Variants in XNDC1N observed in about 807,000 individuals in gnomAD.
XNDC1N encodes the protein XRCC1 N-terminal domain containing 1, N-terminal like, also known as protein XNDC1N.
At chr11:71,890,106 T>C in the XNDC1N span, among the ~76,000 whole-genome samples, 30,121 of 151,922 alleles carry the variant, frequency 0.2, 5,415 homozygotes, top group African/African-American at 0.48. Flanking sequence ...GTACTATTGT[T>C]TTCCCCTCTG....
chr11:71,915,781 T>A, the XNDC1N span, among the ~76,000 whole-genome samples: 34 of 152,214 alleles, frequency 2.2e-4, no homozygotes, highest in Non-Finnish European at 3.4e-4. Flanking sequence ...AAATAAAGTA[T>A]GAATTTAAGT....
the XNDC1N span, chr11:71,878,578 A>T: frequency 9.8e-5 from 150 of 1,530,366 alleles, no homozygotes; most frequent in Non-Finnish European, 1.2e-4. Context: ...AGGTCTTTCA[A>T]GAGTCTGAAA....
the XNDC1N span, among the ~76,000 whole-genome samples, chr11:71,867,944 A>G: frequency 6.6e-6 from 1 of 152,302 alleles, no homozygotes; most frequent in East Asian, 1.9e-4. Flanking sequence ...GTCCCTAATA[A>G]CCTGTTTTAT....
the XNDC1N span, chr11:71,917,299 C>G: frequency 1.5e-6 from 1 of 675,398 alleles, no homozygotes; most frequent in Admixed American, 2.1e-5. Flanking sequence ...CAGGCATGAG[C>G]CACCACGCCT....
the XNDC1N span, among the ~76,000 whole-genome samples, chr11:71,895,771 C>T: frequency 2.0e-4 from 31 of 152,220 alleles, no homozygotes; most frequent in East Asian, 3.9e-3. Context: ...TTTCACATTC[C>T]GAGACATTTT....
At chr11:71,896,384 T>G in the XNDC1N span, among the ~76,000 whole-genome samples, 2 of 152,200 alleles carry the variant, frequency 1.3e-5, no homozygotes, top group African/African-American at 4.8e-5. Flanking sequence ...AGTGGATAAT[T>G]GAGTCCCAAA....
chr11:71,891,942 C>A, the XNDC1N span, among the ~76,000 whole-genome samples: 1 of 151,868 alleles, frequency 6.6e-6, no homozygotes, highest in Non-Finnish European at 1.5e-5. Flanking sequence ...ATTCTCTCCA[C>A]CTCCGGATAT....
chr11:71,893,329 T>A, the XNDC1N span: 28 of 553,654 alleles, frequency 5.1e-5, no homozygotes, highest in East Asian at 9.2e-4. Context: ...TTGTCACAAC[T>A]GAGAAACATT....
chr11:71,904,621 A>G, the XNDC1N span, among the ~76,000 whole-genome samples: 1 of 152,100 alleles, frequency 6.6e-6, no homozygotes. Flanking sequence ...ATAACATCAC[A>G]AGGTGCACAG....
At chr11:71,910,743 C>A in the XNDC1N span, among the ~76,000 whole-genome samples, 1 of 152,182 alleles carries the variant, frequency 6.6e-6, no homozygotes, top group Non-Finnish European at 1.5e-5. Context: ...GGTCATTTGC[C>A]ATCTAGGGGA....
At chr11:71,926,412 G>A in the XNDC1N span, among the ~76,000 whole-genome samples, 11 of 152,090 alleles carry the variant, frequency 7.2e-5, no homozygotes, top group African/African-American at 2.2e-4. Flanking sequence ...GTAATTACTC[G>A]TTTACCCTGT....
chr11:71,882,477 C>G, the XNDC1N span, among the ~76,000 whole-genome samples: 1 of 152,182 alleles, frequency 6.6e-6, no homozygotes. Context: ...GTGATCTGCC[C>G]GCCTTGGCCT....
the XNDC1N span, among the ~76,000 whole-genome samples, chr11:71,897,481 T>A: frequency 6.6e-6 from 1 of 152,174 alleles, no homozygotes; most frequent in Admixed American, 6.5e-5. Context: ...TAAGGTGATG[T>A]TCAAAATCAC....
At chr11:71,925,732 T>C in the XNDC1N span, among the ~76,000 whole-genome samples, 1 of 145,102 alleles carries the variant, frequency 6.9e-6, no homozygotes, top group Admixed American at 6.9e-5. Context: ...TACAAAAAAT[T>C]AGCCGGACGT....
the XNDC1N span, among the ~76,000 whole-genome samples, chr11:71,885,097 C>T: frequency 1.3e-5 from 2 of 152,140 alleles, no homozygotes; most frequent in Non-Finnish European, 2.9e-5. Flanking sequence ...AACCGGTGTA[C>T]ACCCTGGGTA....
chr11:71,923,582 G>A, the XNDC1N span: 4 of 514,546 alleles, frequency 7.8e-6, no homozygotes, highest in Admixed American at 1.3e-4. Flanking sequence ...TTGAGACAGA[G>A]TCTTGCTCTG....
the XNDC1N span, among the ~76,000 whole-genome samples, chr11:71,909,740 G>T: frequency 5.9e-5 from 9 of 152,278 alleles, no homozygotes; most frequent in South Asian, 6.2e-4. Context: ...TCTCAGACTT[G>T]TACTGTAGGA....
chr11:71,899,989 C>T, the XNDC1N span, among the ~76,000 whole-genome samples: 56 of 149,874 alleles, frequency 3.7e-4, no homozygotes, highest in Non-Finnish European at 7.6e-4. Flanking sequence ...AAGTTTGCAG[C>T]AATGCTGCCT....
At chr11:71,875,521 G>A in the XNDC1N span, among the ~76,000 whole-genome samples, 1 of 152,034 alleles carries the variant, frequency 6.6e-6, no homozygotes, top group Non-Finnish European at 1.5e-5. Flanking sequence ...ATGGAAAGCT[G>A]AGGGAAAATG....
Sources: allele counts gnomAD v4.1 joint callset (sites outside exome capture counted in the v4.1 genomes callset), GRCh38; gene constraint gnomAD v4.1.1; transcripts MANE v1.5; gene names NCBI Gene and HGNC (gene_info 2026-07-23, HGNC 2026-07-21).